The following PDE4D variants were observed in gnomAD, a reference collection of about 807,000 sequenced individuals.
PDE4D encodes 3',5'-cyclic-AMP phosphodiesterase 4D.
In PDE4D, 24 loss-of-function variants were observed where a neutral mutation model predicts 87.4. The ratio of observed to expected loss-of-function variants is 0.27; its 90% CI spans 0.20 to 0.39. The LOEUF (loss-of-function observed/expected upper bound fraction) is 0.39, where lower values mean the gene tolerates loss of function less well. PDE4D is among the 10% of genes least tolerant of loss of function. The probability of loss-of-function intolerance (pLI) is 1.00; values close to 1 mark genes in which losing one functional copy is unlikely to be tolerated. For synonymous variants in PDE4D, 384 were observed against 383.2 expected, an observed-to-expected ratio of 1.00 and a Z score of -0.02; for missense variants, 714 against 1,041.0, an observed-to-expected ratio of 0.69 and a Z score of 4.32.
At chr5:59,156,513 C>T (rs930474759) in intron 5 of PDE4D, among the ~76,000 whole-genome samples, 12 of 151,576 alleles carry the variant, frequency 7.9e-5, no homozygotes, top group African/African-American at 2.9e-4. Flanking sequence ...TTGCTGCTGG[C>T]CACTTAGTTG....
intron 1 of PDE4D, among the ~76,000 whole-genome samples, chr5:59,800,128 G>T (rs1024582594): frequency 1.3e-5 from 2 of 152,140 alleles, no homozygotes; most frequent in South Asian, 2.1e-4. Context: ...GAAAAAGAAG[G>T]CTCAAGCCAC....
intron 1 of PDE4D, among the ~76,000 whole-genome samples, chr5:60,220,615 C>A (rs891550725): frequency 7.2e-5 from 11 of 152,120 alleles, no homozygotes; most frequent in African/African-American, 2.7e-4. Flanking sequence ...AAATGACTTA[C>A]AATTCCATGA....
intron 1 of PDE4D, among the ~76,000 whole-genome samples, chr5:60,502,434 T>C (rs1024619221): frequency 1.3e-5 from 2 of 152,286 alleles, no homozygotes; most frequent in Admixed American, 6.5e-5. Flanking sequence ...AGTCAGGTAG[T>C]GTGATGCCTC....
chr5:59,207,474 C>T (rs1749047684), intron 2 of PDE4D, among the ~76,000 whole-genome samples: 1 of 152,012 alleles, frequency 6.6e-6, no homozygotes, highest in Admixed American at 6.6e-5. Context: ...ATCCAGGTTA[C>T]TGGACTAGTT....
At chr5:59,025,457 A>G (rs928050218) in intron 6 of PDE4D, among the ~76,000 whole-genome samples, 4 of 152,188 alleles carry the variant, frequency 2.6e-5, no homozygotes, top group African/African-American at 9.6e-5. Context: ...GTGATTTGTA[A>G]TTCTTTTAAA....
chr5:59,449,784 A>C (rs1249049170), intron 1 of PDE4D, among the ~76,000 whole-genome samples: 10 of 152,028 alleles, frequency 6.6e-5, no homozygotes, highest in South Asian at 2.1e-4. Flanking sequence ...GAAAAAAAAA[A>C]CCACCTACTT....
chr5:60,012,770 T>C (rs1765140290), intron 2 of PDE4D, among the ~76,000 whole-genome samples: 1 of 152,170 alleles, frequency 6.6e-6, no homozygotes, highest in South Asian at 2.1e-4. Flanking sequence ...ATTAGATCAT[T>C]GAAATAATTG....
chr5:59,880,217 T>C (rs1033549858), intron 1 of PDE4D, among the ~76,000 whole-genome samples: 4 of 151,956 alleles, frequency 2.6e-5, no homozygotes, highest in African/African-American at 9.7e-5. Context: ...GCGATCCTCC[T>C]ACCCCAGCCT....
intron 1 of PDE4D, among the ~76,000 whole-genome samples, chr5:59,349,049 CCAGCCTAGATGA>C (rs1254861917): frequency 1.4e-4 from 22 of 152,024 alleles, no homozygotes; most frequent in Non-Finnish European, 3.2e-4. Flanking sequence ...CCACTGTACT[CCAGCCTAGATGA>C]CAGAGTGAGA....
intron 1 of PDE4D, among the ~76,000 whole-genome samples, chr5:59,376,084 T>C (rs943576767): frequency 4.6e-5 from 7 of 152,198 alleles, no homozygotes; most frequent in African/African-American, 1.4e-4. Flanking sequence ...AACATCATAC[T>C]GAATGGGCAG....
At chr5:59,129,343 A>T (rs1775946216) in intron 5 of PDE4D, among the ~76,000 whole-genome samples, 1 of 152,106 alleles carries the variant, frequency 6.6e-6, no homozygotes, top group Admixed American at 6.5e-5. Flanking sequence ...GGCTCAAGTA[A>T]TCCTCCTGCC....
At chr5:60,103,540 C>T (rs1225395480) in intron 2 of PDE4D, among the ~76,000 whole-genome samples, 4 of 152,068 alleles carry the variant, frequency 2.6e-5, no homozygotes, top group African/African-American at 9.7e-5. Context: ...CAAACTGTTA[C>T]CATTGCTAGA....
chr5:59,402,318 C>G (rs1398170996), intron 1 of PDE4D, among the ~76,000 whole-genome samples: 1 of 152,164 alleles, frequency 6.6e-6, no homozygotes, highest in Non-Finnish European at 1.5e-5. Context: ...TATAAATCAT[C>G]TTTAGAGTGA....
chr5:60,020,827 C>G (rs1454505111), intron 2 of PDE4D, among the ~76,000 whole-genome samples: 1 of 152,196 alleles, frequency 6.6e-6, no homozygotes, highest in Non-Finnish European at 1.5e-5. Context: ...TTACATTAAG[C>G]CACAACATAA....
At chr5:60,127,594 G>C (rs1287541888) in intron 2 of PDE4D, 2 of 512,736 alleles carry the variant, frequency 3.9e-6, no homozygotes, top group Non-Finnish European at 6.9e-6. Context: ...AGCAACTGAG[G>C]GAGGAAGATG....
rs1263181910 is a variant in PDE4D at position 58,970,882 on chromosome 5, A to G, written c.*3782T>C. 2 of 150,812 alleles carry G rather than the reference A, an allele frequency of 1.3e-5. No homozygotes were observed. Among genetic ancestry groups the G allele is most frequent in the African/African-American group, 4.9e-5 (2 of 40,708 alleles). 9.3% of individuals were successfully genotyped at this position (150,812 alleles called of 1,614,324 possible). ...TTGTTTATAATCACTGGGAAAGAAT[A>G]TATTTCCCCAGTTGTGTTTCCGAGT... On this transcript the variant is annotated 3_prime_UTR_variant, in exon 15 of 15. Coordinates refer to ENST00000340635, the MANE Select transcript of PDE4D (RefSeq NM_001104631.2).
At chr5:60,409,037 G>C (rs1741817889) in intron 1 of PDE4D, among the ~76,000 whole-genome samples, 1 of 152,152 alleles carries the variant, frequency 6.6e-6, no homozygotes, top group Non-Finnish European at 1.5e-5. Flanking sequence ...CACAGCCCCT[G>C]TCCTCTTGAG....
chr5:59,069,853 T>C (rs1315285459), intron 5 of PDE4D, among the ~76,000 whole-genome samples: 1 of 152,164 alleles, frequency 6.6e-6, no homozygotes, highest in Non-Finnish European at 1.5e-5. Flanking sequence ...TATAGATTAT[T>C]TGGAAAAAAT....
chr5:59,313,275 A>C (rs1773049269), intron 1 of PDE4D, among the ~76,000 whole-genome samples: 1 of 152,116 alleles, frequency 6.6e-6, no homozygotes, highest in Non-Finnish European at 1.5e-5. Flanking sequence ...CCTTCCTCTA[A>C]AGATTCACAT....
Sources: gnomAD v4.1 joint callset for allele counts (sites outside exome capture counted in the v4.1 genomes callset) on GRCh38, gnomAD v4.1.1 for gene constraint, MANE v1.5 for transcripts, NCBI Gene and HGNC (gene_info 2026-07-23, HGNC 2026-07-21) for gene names.